The following TUBGCP3 variants were observed in gnomAD, a reference collection of about 807,000 sequenced individuals.
The protein encoded by TUBGCP3 is tubulin gamma complex component 3.
TUBGCP3 carries 50 observed loss-of-function variants against 123.1 expected under a neutral mutation model. The observed-to-expected ratio is 0.41, with a 90% CI of 0.32 to 0.51. TUBGCP3 has a LOEUF of 0.51. TUBGCP3 is among the 20% of genes least tolerant of loss of function. TUBGCP3 has a pLI of 0.36. For missense variants in TUBGCP3, 882 were observed against 1,127.0 expected, an observed-to-expected ratio of 0.78 and a Z score of 3.11; for synonymous variants, 405 against 413.9, an observed-to-expected ratio of 0.98 and a Z score of 0.26.
intron 17 of TUBGCP3, among the ~76,000 whole-genome samples, chr13:112,507,245 T>C (rs541158503): frequency 6.6e-6 from 1 of 152,226 alleles, no homozygotes. Flanking sequence ...TGACATCCGA[T>C]GTCTCCATCG....
chr13:112,505,394 G>A (rs1468229417), intron 17 of TUBGCP3, among the ~76,000 whole-genome samples: 1 of 152,166 alleles, frequency 6.6e-6, no homozygotes, highest in Non-Finnish European at 1.5e-5. Flanking sequence ...TTTATAACAC[G>A]GGTCAGCTTG....
rs1566547351 is a variant in TUBGCP3 at position 112,519,162 on chromosome 13, G to A, written c.1882-119C>T. On this transcript the variant is annotated intron_variant, in intron 15 of 21. Coordinates refer to ENST00000261965, the MANE Select transcript of TUBGCP3 (RefSeq NM_006322.6). The surrounding 1 kb of genome is among the most constrained non-coding windows in gnomAD (Gnocchi z 6.2). ...TTGTTAAAAACTGCTCAACAGTTCT[G>A]AGTGCATCTTCTTGTTAACTTCTAC... 1.3e-6 allele frequency: 1 copy of A among 761,792 alleles called. No homozygotes were observed. Among genetic ancestry groups the A allele is most frequent in the Non-Finnish European group, 2.3e-6 (1 of 437,324 alleles). The allele number at this position is 761,792 out of a possible 1,614,324, so 47.2% of individuals were successfully genotyped here.
chr13:112,501,807 G>A (rs918260519), intron 19 of TUBGCP3, among the ~76,000 whole-genome samples: 5 of 152,182 alleles, frequency 3.3e-5, no homozygotes, highest in African/African-American at 4.8e-5. Context: ...CAACGCACAC[G>A]TGAAGACCCC....
chr13:112,549,054 T>C (rs1460076605), intron 8 of TUBGCP3, among the ~76,000 whole-genome samples: 3 of 152,182 alleles, frequency 2.0e-5, no homozygotes, highest in Admixed American at 2.0e-4. Flanking sequence ...ACTGCAGCAC[T>C]ATTCACAATA....
intron 3 of TUBGCP3, among the ~76,000 whole-genome samples, chr13:112,560,761 G>C (rs1008113584): frequency 6.6e-6 from 1 of 152,134 alleles, no homozygotes; most frequent in East Asian, 1.9e-4. Context: ...TAAAAAATTG[G>C]TTGACATAGG....
At chr13:112,532,483 C>A (rs1877662604) in intron 11 of TUBGCP3, among the ~76,000 whole-genome samples, 1 of 152,200 alleles carries the variant, frequency 6.6e-6, no homozygotes, top group African/African-American at 2.4e-5. Flanking sequence ...CTTGACCCAT[C>A]TTTTCTTGCT....
chr13:112,552,440 ACTC>A (rs1258877771), intron 8 of TUBGCP3, among the ~76,000 whole-genome samples: 8 of 152,144 alleles, frequency 5.3e-5, no homozygotes, highest in African/African-American at 1.4e-4. Flanking sequence ...GAGCCAGCTC[ACTC>A]CTATCTGCCC....
At chr13:112,550,899 C>T (rs1879514763) in intron 8 of TUBGCP3, among the ~76,000 whole-genome samples, 1 of 152,132 alleles carries the variant, frequency 6.6e-6, no homozygotes, top group Non-Finnish European at 1.5e-5. Context: ...GAGATTAAGA[C>T]CATCCTGGCT....
intron 8 of TUBGCP3, among the ~76,000 whole-genome samples, chr13:112,550,862 G>T (rs1257560609): frequency 6.6e-6 from 1 of 152,202 alleles, no homozygotes. Context: ...ACTTTGGGAG[G>T]CCAAGGCGGG....
At chr13:112,509,488 C>CTTTA (rs1278590733) in intron 17 of TUBGCP3, among the ~76,000 whole-genome samples, 1 of 152,230 alleles carries the variant, frequency 6.6e-6, no homozygotes, top group Non-Finnish European at 1.5e-5. Flanking sequence ...CAAAAGGTTT[C>CTTTA]TATAAGCAAG....
chr13:112,501,636 T>C (rs553058433), intron 19 of TUBGCP3, among the ~76,000 whole-genome samples: 39 of 152,388 alleles, frequency 2.6e-4, no homozygotes, highest in African/African-American at 8.9e-4. Context: ...ATGTCAATAA[T>C]AGATTGTTTT....
At chr13:112,554,496 T>C (rs944886161) in intron 7 of TUBGCP3, among the ~76,000 whole-genome samples, 1 of 151,934 alleles carries the variant, frequency 6.6e-6, no homozygotes, top group African/African-American at 2.4e-5. Context: ...CCACAAGAAA[T>C]GGGCATGGTA....
At position 112,547,613 on chromosome 13, in the gene TUBGCP3, G is replaced by T; in HGVS notation, c.1168+7C>A. The T allele has an allele frequency of 6.6e-7, 1 of 1,511,780 alleles. No individual in the cohort carries two copies. The highest frequency in any genetic ancestry group is 1.4e-5 in the African/African-American group (1 of 70,644). The allele number at this position is 1,511,780 out of a possible 1,614,324, so 93.6% of individuals were successfully genotyped here. A position where few individuals can be genotyped will look rare whatever the true frequency, so the allele number is the denominator to read the frequency against. On this transcript the variant is annotated splice_region_variant and intron_variant, in intron 10 of 21. Coordinates refer to ENST00000261965, the MANE Select transcript of TUBGCP3 (RefSeq NM_006322.6). ...AAAGACGTGCGTGGGAAAGACGCGC[G>T]TGGGACCTTGGCAGTGGTCCACTAG...
intron 3 of TUBGCP3, among the ~76,000 whole-genome samples, chr13:112,560,152 C>T (rs1490530567): frequency 2.1e-5 from 3 of 141,140 alleles, no homozygotes; most frequent in Non-Finnish European, 4.7e-5. Flanking sequence ...AAAAAAAGGC[C>T]GGGCGCGGTG....
chr13:112,555,089 T>A, intron 6 of TUBGCP3, 84 bp from the exon 7 acceptor site: 1 of 823,246 alleles, frequency 1.2e-6, no homozygotes, highest in Non-Finnish European at 1.9e-6. Flanking sequence ...AGCTTCAGAT[T>A]AGATATTTGC....
At chr13:112,561,400 A>G (rs1310829611) in intron 3 of TUBGCP3, among the ~76,000 whole-genome samples, 1 of 152,198 alleles carries the variant, frequency 6.6e-6, no homozygotes, top group African/African-American at 2.4e-5. Flanking sequence ...TATTCTCTTC[A>G]TGCCATAAAT....
the TUBGCP3 span, among the ~76,000 whole-genome samples, chr13:112,595,448 C>G: frequency 6.6e-6 from 1 of 152,154 alleles, no homozygotes; most frequent in East Asian, 1.9e-4. Flanking sequence ...CCACCCGTCT[C>G]GGCCTCCCAA....
chr13:112,573,929 G>C (rs1361021665), intron 1 of TUBGCP3, among the ~76,000 whole-genome samples: 1 of 152,254 alleles, frequency 6.6e-6, no homozygotes, highest in African/African-American at 2.4e-5. Context: ...GAAGGAAGTG[G>C]AACTATGAGT....
the TUBGCP3 span, among the ~76,000 whole-genome samples, chr13:112,598,019 C>T: frequency 3.9e-5 from 6 of 152,138 alleles, no homozygotes; most frequent in East Asian, 1.9e-4. Context: ...GCAAAATCCT[C>T]GGAGAGCAAA....
Sources: allele counts gnomAD v4.1 joint callset (sites outside exome capture counted in the v4.1 genomes callset), GRCh38; gene constraint gnomAD v4.1.1; non-coding constraint Gnocchi (gnomAD v3.1); transcripts MANE v1.5; gene names NCBI Gene and HGNC (gene_info 2026-07-23, HGNC 2026-07-21).